UBE3C: variants seen among roughly 807,000 people sequenced by gnomAD.
UBE3C encodes ubiquitin protein ligase E3C.
UBE3C carries 42 observed loss-of-function variants against 129.4 expected under a neutral mutation model. That is an observed-to-expected ratio of 0.32 (90% confidence interval 0.25 to 0.42). The LOEUF is 0.42. Ranked by LOEUF, UBE3C falls within the 10% of genes least tolerant of loss-of-function variation. The probability of loss-of-function intolerance (pLI) is 1.00; values close to 1 mark genes in which losing one functional copy is unlikely to be tolerated. For missense variants in UBE3C, 1,049 were observed against 1,319.1 expected (o/e 0.80, Z 3.17); for synonymous variants, 510 against 492.4 (o/e 1.04, Z -0.47).
At chr7:157,253,648 T>G (rs1796673408) in intron 19 of UBE3C, among the ~76,000 whole-genome samples, 1 of 152,178 alleles carries the variant, frequency 6.6e-6, no homozygotes, top group Non-Finnish European at 1.5e-5. Flanking sequence ...CCCTCTGTGA[T>G]TTCTCATTTT....
At chr7:157,237,302 G>C (rs1003486068) in intron 18 of UBE3C, among the ~76,000 whole-genome samples, 1 of 151,976 alleles carries the variant, frequency 6.6e-6, no homozygotes, top group African/African-American at 2.4e-5. Context: ...TTAGCCGGGC[G>C]TGGTGGCGGG....
rs1254530402 is a variant in UBE3C, at chr7:157,193,033, G to C, written c.1331+6012G>C. Among the ~76,000 whole-genome samples, 4 of 152,096 alleles carry C rather than the reference G, an allele frequency of 2.6e-5. No individual in the cohort carries two copies. In the South Asian group the frequency reaches 8.3e-4, roughly 32 times the overall value. The stretch of plus-strand genomic sequence containing the variant: ...GTAAGAAGGGCTGGCTGTTTAAATT[G>C]GTTCTGGTGTCAATGCTGGAATGCT... On this transcript the variant is annotated intron_variant, in intron 10 of 22. Coordinates refer to ENST00000348165, the MANE Select transcript of UBE3C (RefSeq NM_014671.3).
chr7:157,215,447 G>A (rs1243263915), intron 13 of UBE3C, among the ~76,000 whole-genome samples: 1 of 148,448 alleles, frequency 6.7e-6, no homozygotes, highest in East Asian at 1.9e-4. Context: ...AATATATCCA[G>A]TATAGATTAG....
In UBE3C at chr7:157,185,796, T is replaced by C. The variant is rs1195421171; in HGVS notation, c.1144-1038T>C. ...GGATTCCTTTCTCATTCTGATGTAC[T>C]TTTGTTAGTCTTAATGTTAAAGATT... On this transcript the variant is annotated intron_variant, in intron 9 of 22. Transcript: ENST00000348165. Among the ~76,000 whole-genome samples, 2 of 152,172 alleles carry C rather than the reference T, an allele frequency of 1.3e-5. 1 individual carries two copies. The highest frequency in any genetic ancestry group is 2.9e-5 in the Non-Finnish European group (2 of 68,032).
At chr7:157,179,826 C>G (rs1808622397) in intron 6 of UBE3C, among the ~76,000 whole-genome samples, 1 of 152,142 alleles carries the variant, frequency 6.6e-6, no homozygotes, top group Admixed American at 6.5e-5. Flanking sequence ...TCATTTCAGC[C>G]TTGCTGCTTG....
At chr7:157,147,177 T>C (rs1807629357) in intron 1 of UBE3C, among the ~76,000 whole-genome samples, 1 of 152,220 alleles carries the variant, frequency 6.6e-6, no homozygotes, top group South Asian at 2.1e-4. Flanking sequence ...ATGGAATATC[T>C]CTTAATTTGT....
At chr7:157,210,609 C>G (rs892281675) in intron 13 of UBE3C, among the ~76,000 whole-genome samples, 1 of 152,172 alleles carries the variant, frequency 6.6e-6, no homozygotes, top group Admixed American at 6.5e-5. Context: ...CTATTCTACA[C>G]TCCCCTTCTG....
chr7:157,242,238 G>T (rs1796350268), intron 18 of UBE3C, among the ~76,000 whole-genome samples: 1 of 152,232 alleles, frequency 6.6e-6, no homozygotes, highest in African/African-American at 2.4e-5. Flanking sequence ...ATCAATCGGA[G>T]TTCATGGATG....
intron 1 of UBE3C, 78 bp downstream of exon 1, chr7:157,139,416 C>T: frequency 7.3e-7 from 1 of 1,367,908 alleles, no homozygotes; most frequent in East Asian, 3.0e-5. Flanking sequence ...CGGGGCTGGA[C>T]TCGGGGCTGG....
intron 19 of UBE3C, 50 bp downstream of exon 19, chr7:157,248,630 T>A: frequency 1.3e-6 from 2 of 1,573,470 alleles, no homozygotes; most frequent in Non-Finnish European, 1.7e-6. Context: ...AGTAGCAGCA[T>A]CTCCTTGTGT....
intron 2 of UBE3C, among the ~76,000 whole-genome samples, chr7:157,166,051 A>G (rs1333515006): frequency 2.0e-5 from 3 of 152,178 alleles, no homozygotes; most frequent in South Asian, 2.1e-4. Context: ...TGAGACAGGA[A>G]GTTTTCATCT....
At chr7:157,230,527 T>C (rs1795994129) in intron 17 of UBE3C, among the ~76,000 whole-genome samples, 1 of 151,870 alleles carries the variant, frequency 6.6e-6, no homozygotes, top group South Asian at 2.1e-4. Flanking sequence ...AAACCCCATC[T>C]CTACTAAAAA....
chr7:157,179,254 A>G (rs1808606814), intron 6 of UBE3C, among the ~76,000 whole-genome samples: 2 of 152,132 alleles, frequency 1.3e-5, no homozygotes, highest in South Asian at 4.1e-4. Flanking sequence ...TGAGTTGAAC[A>G]TCACTCCAAG....
chr7:157,180,921 C>T (rs1017070168), intron 6 of UBE3C, among the ~76,000 whole-genome samples: 4 of 152,198 alleles, frequency 2.6e-5, no homozygotes, highest in Non-Finnish European at 4.4e-5. Context: ...TGCCAGTGAC[C>T]CTGGGGCTCA....
chr7:157,139,318 C>T lies in UBE3C; in HGVS notation c.46C>T (p.Leu16Phe). Residue 16 changes from leucine (L) to phenylalanine (F), a missense_variant, in exon 1 of 23, where the codon CTT becomes TTT. Physicochemically the swap from Leu to Phe is conservative, Grantham distance 22. Around this residue, in one of 4 missense-constraint regions of UBE3C, gnomAD observed 489 missense variants for 513.8 expected, o/e 0.95. Coordinates refer to ENST00000348165, the MANE Select transcript of UBE3C (RefSeq NM_014671.3). ...CTTCAAGACGCGGCCCAAGGTGTCC[C>T]TTGGCGGCGCGAGCAGGAAGGTGAG... is the stretch of plus-strand genomic sequence containing the variant. The part of the protein sequence containing the change: ...GDFKTRPKVS[L>F]GGASRKEEKA... 1 of 1,583,676 alleles carries T rather than the reference C, an allele frequency of 6.3e-7. No individual in the cohort carries two copies. Among genetic ancestry groups the T allele is most frequent in the Non-Finnish European group, 8.5e-7 (1 of 1,172,530 alleles).
At chr7:157,204,661 A>C (rs1213076289) in intron 11 of UBE3C, among the ~76,000 whole-genome samples, 1 of 152,180 alleles carries the variant, frequency 6.6e-6, no homozygotes, top group Admixed American at 6.6e-5. Context: ...TTGCTATTGA[A>C]ATCAGCCAGT....
At chr7:157,202,926 T>C (rs1809331322) in intron 11 of UBE3C, among the ~76,000 whole-genome samples, 1 of 152,212 alleles carries the variant, frequency 6.6e-6, no homozygotes, top group Non-Finnish European at 1.5e-5. Context: ...GAAAGAATTT[T>C]TGGTGGGTTG....
intron 17 of UBE3C, among the ~76,000 whole-genome samples, chr7:157,230,493 G>A (rs1795993175): frequency 1.3e-5 from 2 of 151,424 alleles, no homozygotes; most frequent in African/African-American, 2.4e-5. Context: ...TCAGGAGTTC[G>A]AGACCAGCCT....
intron 19 of UBE3C, among the ~76,000 whole-genome samples, chr7:157,249,869 A>G (rs1420390305): frequency 6.6e-6 from 1 of 152,132 alleles, no homozygotes; most frequent in Non-Finnish European, 1.5e-5. Context: ...TGCATCCATA[A>G]TCTGAAAATC....
Sources: allele counts gnomAD v4.1 joint callset (sites outside exome capture counted in the v4.1 genomes callset), GRCh38; gene constraint gnomAD v4.1.1; regional missense constraint gnomAD v4.1.1; transcripts MANE v1.5; gene names NCBI Gene and HGNC (gene_info 2026-07-23, HGNC 2026-07-21).